The following TRPM8 variants were observed in gnomAD, a reference collection of about 807,000 sequenced individuals.
TRPM8 encodes TRPM8 cationic channel.
TRPM8 carries 110 observed loss-of-function variants against 133.7 expected under a neutral mutation model. That is an observed-to-expected ratio of 0.82 (90% CI 0.70 to 0.96). TRPM8 has a LOEUF of 0.96. Ranked by LOEUF, TRPM8 falls within the 40% of genes least tolerant of loss-of-function variation. The pLI is 0.00. For missense variants in TRPM8, 1,291 were observed against 1,379.5 expected (o/e 0.94, Z 1.02); for synonymous variants, 535 against 532.3 (o/e 1.01, Z -0.07).
At chr2:233,987,254 A>C (rs1559542887) in intron 21 of TRPM8, among the ~76,000 whole-genome samples, 1 of 152,270 alleles carries the variant, frequency 6.6e-6, no homozygotes, top group Non-Finnish European at 1.5e-5. Context: ...AACTTGAAAG[A>C]ATGGTATTTT....
intron 9 of TRPM8, among the ~76,000 whole-genome samples, chr2:233,952,544 G>A (rs988139068): frequency 2.0e-5 from 3 of 152,048 alleles, no homozygotes; most frequent in South Asian, 2.1e-4. Flanking sequence ...AAAGACAGCC[G>A]TGAGGGTGGG....
chr2:233,965,625 C>G (rs1489425596), intron 14 of TRPM8, among the ~76,000 whole-genome samples: 1 of 152,108 alleles, frequency 6.6e-6, no homozygotes, highest in African/African-American at 2.4e-5. Context: ...AGTGTCTTAT[C>G]AAATGTAAAC....
At chr2:233,951,742 A>G (rs1691176749) in intron 9 of TRPM8, among the ~76,000 whole-genome samples, 1 of 152,336 alleles carries the variant, frequency 6.6e-6, no homozygotes, top group East Asian at 1.9e-4. Context: ...ACATGCATCA[A>G]TAATAAAAAT....
intron 1 of TRPM8, among the ~76,000 whole-genome samples, chr2:233,923,550 A>G (rs754687416): frequency 2.6e-5 from 4 of 152,154 alleles, no homozygotes; most frequent in Middle Eastern, 3.2e-3. Flanking sequence ...GTTACCACGC[A>G]GGGCTCCATG....
rs1692396619 is a variant in TRPM8 at position 233,996,188 on chromosome 2, G to A, written c.2940-138G>A. 5 of 630,930 alleles carry A rather than the reference G, an allele frequency of 7.9e-6. No homozygotes were observed. In the South Asian group the frequency reaches 1.9e-4, roughly 23 times the overall value. 39.1% of individuals were successfully genotyped at this position (630,930 alleles called of 1,614,324 possible). On this transcript the variant is annotated intron_variant, in intron 21 of 25. Transcript: ENST00000324695. ...TTCCTGCTGAGTTATTTTGGCTCGT[G>A]TATCACTCTGGATTCTTCTCTCCTG...
chr2:233,967,318 G>T (rs1489410849), intron 15 of TRPM8, among the ~76,000 whole-genome samples: 1 of 152,246 alleles, frequency 6.6e-6, no homozygotes, highest in Non-Finnish European at 1.5e-5. Flanking sequence ...TTTGCACCTG[G>T]TGTCTTAGGC....
chr2:233,970,954 G>A (rs144843164), intron 17 of TRPM8, among the ~76,000 whole-genome samples: 20 of 152,234 alleles, frequency 1.3e-4, no homozygotes, highest in South Asian at 4.1e-4. Context: ...TCTCTCTACC[G>A]TTGAACCCAG....
At chr2:234,004,416 C>A (rs904913978) in intron 22 of TRPM8, among the ~76,000 whole-genome samples, 3 of 152,216 alleles carry the variant, frequency 2.0e-5, no homozygotes, top group African/African-American at 7.2e-5. Flanking sequence ...ATGCCTGAAA[C>A]CGCAGCACTT....
chr2:233,975,497 C>A (rs933198400), intron 17 of TRPM8, among the ~76,000 whole-genome samples: 1 of 152,258 alleles, frequency 6.6e-6, no homozygotes, highest in Non-Finnish European at 1.5e-5. Context: ...AAACATTTCT[C>A]TACCTGTCCC....
chr2:233,947,644 T>G, intron 8 of TRPM8: 1 of 1,274,912 alleles, frequency 7.8e-7, no homozygotes. Context: ...ACTTCTTGAA[T>G]GGTTCTGCAC....
At chr2:233,970,542 A>C in intron 17 of TRPM8, 116 bp downstream of exon 17, 1 of 1,005,524 alleles carries the variant, frequency 9.9e-7, no homozygotes, top group Non-Finnish European at 1.5e-6. Context: ...TTCCCAAAAT[A>C]AATGTTCTCT....
intron 16 of TRPM8, 25 bp from the exon 17 acceptor site, chr2:233,970,185 A>G (rs780996943): frequency 1.9e-6 from 3 of 1,607,672 alleles, no homozygotes; most frequent in Non-Finnish European, 2.6e-6. Flanking sequence ...AAGGATGCTG[A>G]CGATGCCCTT....
chr2:233,969,306 C>T (rs986275229), intron 15 of TRPM8, among the ~76,000 whole-genome samples: 10 of 149,278 alleles, frequency 6.7e-5, no homozygotes, highest in Non-Finnish European at 8.8e-5. Flanking sequence ...GGAGAAATCC[C>T]GTCACTACCA....
At chr2:233,935,860 G>T (rs1690721872) in intron 3 of TRPM8, among the ~76,000 whole-genome samples, 1 of 152,220 alleles carries the variant, frequency 6.6e-6, no homozygotes, top group South Asian at 2.1e-4. Context: ...GAATCTTGGT[G>T]GTTGTTGTTC....
intron 1 of TRPM8, among the ~76,000 whole-genome samples, chr2:233,925,563 T>TGGGCACAG (rs1257822396): frequency 6.6e-6 from 1 of 151,136 alleles, no homozygotes; most frequent in Non-Finnish European, 1.5e-5. Flanking sequence ...GAGAGGGAGG[T>TGGGCACAG]GGGCACAGTC....
chr2:233,932,457 G>A (rs758434924), intron 3 of TRPM8, among the ~76,000 whole-genome samples: 45 of 152,030 alleles, frequency 3.0e-4, no homozygotes, highest in Non-Finnish European at 5.9e-4. Context: ...GAGGATGGAA[G>A]TTGAGGGACA....
At chr2:233,953,233 G>A (rs959320767) in intron 9 of TRPM8, among the ~76,000 whole-genome samples, 8 of 152,262 alleles carry the variant, frequency 5.3e-5, no homozygotes, top group South Asian at 2.1e-4. Flanking sequence ...CCCACCCAGC[G>A]GAGCCTCTGC....
At chr2:234,014,780 T>G in intron 25 of TRPM8, 126 bp downstream of exon 25, 2 of 353,884 alleles carry the variant, frequency 5.7e-6, no homozygotes, top group Non-Finnish European at 4.6e-6. Context: ...AATAATGCAT[T>G]GTGCAAAAAA....
rs765189631 is a variant in TRPM8, at chr2:234,008,054, A to G, written c.3231-16A>G. On this transcript the variant is annotated splice_polypyrimidine_tract_variant and intron_variant, in intron 23 of 25. Coordinates refer to ENST00000324695, the MANE Select transcript of TRPM8 (RefSeq NM_024080.5). ...TTTTCTCTTGTTCACTTTCTTTTTCATTAACTTCTTTGCAGAATGAGGCAT... is the reference window on the plus strand; with the variant it reads ...TTTTCTCTTGTTCACTTTCTTTTTCGTTAACTTCTTTGCAGAATGAGGCAT... 2 of 1,608,690 alleles carry G rather than the reference A, an allele frequency of 1.2e-6. No homozygotes were observed. The highest frequency in any genetic ancestry group is 1.1e-5 in the South Asian group (1 of 89,258).
Sources: gnomAD v4.1 joint callset for allele counts (sites outside exome capture counted in the v4.1 genomes callset) on GRCh38, gnomAD v4.1.1 for gene constraint, MANE v1.5 for transcripts, NCBI Gene and HGNC (gene_info 2026-07-23, HGNC 2026-07-21) for gene names.